The following KLHL32 variants were observed in gnomAD, a reference collection of about 807,000 sequenced individuals.
The protein encoded by KLHL32 is kelch like family member 32.
In KLHL32, 35 loss-of-function variants were observed where a neutral mutation model predicts 64.8. The observed-to-expected ratio is 0.54, with a 90% CI of 0.41 to 0.72. The LOEUF (loss-of-function observed/expected upper bound fraction) is 0.72, where lower values mean the gene tolerates loss of function less well. Ranked by LOEUF, KLHL32 falls within the 30% of genes least tolerant of loss-of-function variation. The pLI, the probability that KLHL32 is intolerant of heterozygous loss-of-function variation, is 0.00. For synonymous variants in KLHL32, 259 were observed against 281.0 expected (o/e 0.92, Z 0.78); for missense variants, 589 against 768.5 (o/e 0.77, Z 2.76).
intron 6 of KLHL32, among the ~76,000 whole-genome samples, chr6:97,094,933 T>C (rs1160993644): frequency 6.6e-6 from 1 of 152,196 alleles, no homozygotes; most frequent in Non-Finnish European, 1.5e-5. Context: ...GAGTGATGGA[T>C]GGTGCGTTAA....
At chr6:97,129,541 A>G (rs898733438) in intron 8 of KLHL32, among the ~76,000 whole-genome samples, 1 of 152,224 alleles carries the variant, frequency 6.6e-6, no homozygotes, top group African/African-American at 2.4e-5. Context: ...GAGGGTGAAC[A>G]GGAACCAAAT....
At chr6:97,081,144 G>T (rs1200688231) in intron 5 of KLHL32, among the ~76,000 whole-genome samples, 1 of 152,188 alleles carries the variant, frequency 6.6e-6, no homozygotes, top group Non-Finnish European at 1.5e-5. Flanking sequence ...GAAGCCCCAG[G>T]GTTGGTGAGG....
At chr6:96,923,743 A>C (rs1768842987), upstream of KLHL32, among the ~76,000 whole-genome samples, 1 of 152,252 alleles carries the variant, frequency 6.6e-6, no homozygotes, top group African/African-American at 2.4e-5. Context: ...CTTTGCAGTA[A>C]GTTAAATCCT....
chr6:97,132,717 T>C lies in KLHL32; in HGVS notation c.1671T>C (p.Ile557=). 1.9e-6 allele frequency: 3 copies of C among 1,613,310 alleles called. No individual in the cohort carries two copies. The highest frequency in any genetic ancestry group is 2.2e-5 in the South Asian group (2 of 90,922). ...GRIYLVGGYS[I]WTNEPLACIQ... ...TATATTTAGTTGGTGGATATTCAAT[T>C]TGGACAAATGAGCCTCTGGCTTGTA... Residue 557 remains isoleucine, a synonymous_variant, in exon 10 of 11, where the codon ATT becomes ATC. Coordinates refer to ENST00000369261, the MANE Select transcript of KLHL32 (RefSeq NM_052904.4).
At chr6:97,101,146 C>T (rs975467573) in intron 6 of KLHL32, among the ~76,000 whole-genome samples, 3 of 151,812 alleles carry the variant, frequency 2.0e-5, no homozygotes, top group Non-Finnish European at 4.4e-5. Flanking sequence ...AACAAATATT[C>T]AAAGGCCTAA....
At chr6:97,043,979 A>T (rs1582826504) in intron 4 of KLHL32, among the ~76,000 whole-genome samples, 1 of 147,496 alleles carries the variant, frequency 6.8e-6, no homozygotes, top group African/African-American at 2.5e-5. Context: ...TCTCAGTTGT[A>T]TTTTTTTTTT....
At chr6:96,938,703 C>A (rs562616535) in intron 1 of KLHL32, among the ~76,000 whole-genome samples, 87 of 152,232 alleles carry the variant, frequency 5.7e-4, no homozygotes, top group Non-Finnish European at 1.1e-3. Context: ...AAGCTTGAAT[C>A]CTGGTTCTTT....
At chr6:96,907,395 C>T in the KLHL32 span, among the ~76,000 whole-genome samples, 1 of 152,162 alleles carries the variant, frequency 6.6e-6, no homozygotes, top group African/African-American at 2.4e-5. Context: ...AAGGACTGCT[C>T]TTTTAAAACA....
intron 10 of KLHL32, among the ~76,000 whole-genome samples, chr6:97,135,389 T>G (rs539556001): frequency 1.7e-3 from 243 of 146,790 alleles, no homozygotes; most frequent in Non-Finnish European, 2.7e-3. Context: ...CACTGCAACT[T>G]CTGCCTCCTG....
intron 4 of KLHL32, among the ~76,000 whole-genome samples, chr6:97,052,524 A>T (rs1787100215): frequency 6.6e-6 from 1 of 152,212 alleles, no homozygotes; most frequent in East Asian, 1.9e-4. Flanking sequence ...GTGTAAACAA[A>T]TGTTTCACTT....
intron 4 of KLHL32, among the ~76,000 whole-genome samples, chr6:97,060,138 T>TA (rs1315135516): frequency 6.6e-6 from 1 of 151,990 alleles, no homozygotes; most frequent in Non-Finnish European, 1.5e-5. Context: ...AGCAGGTAAT[T>TA]AAAAAATCTC....
chr6:96,942,470 A>T (rs1771415569), intron 1 of KLHL32, among the ~76,000 whole-genome samples: 1 of 152,148 alleles, frequency 6.6e-6, no homozygotes, highest in Non-Finnish European at 1.5e-5. Flanking sequence ...TCTGCCATTT[A>T]GCTGTGGAGA....
chr6:97,121,226 G>A (rs529698153), intron 7 of KLHL32, among the ~76,000 whole-genome samples: 4 of 152,118 alleles, frequency 2.6e-5, no homozygotes, highest in East Asian at 1.9e-4. Context: ...TGTGTCTCTG[G>A]TTCTTTAGAC....
At chr6:96,904,803 A>G in the KLHL32 span, among the ~76,000 whole-genome samples, 1 of 152,262 alleles carries the variant, frequency 6.6e-6, no homozygotes, top group Non-Finnish European at 1.5e-5. Flanking sequence ...GTGACAAGAC[A>G]GATGTGATTA....
chr6:96,987,130 A>C (rs1018512497), intron 3 of KLHL32, among the ~76,000 whole-genome samples: 2 of 152,064 alleles, frequency 1.3e-5, no homozygotes, highest in African/African-American at 4.8e-5. Context: ...CTAGCGGTCT[A>C]TCAATTTTGT....
intron 3 of KLHL32, among the ~76,000 whole-genome samples, chr6:96,985,882 C>T (rs1453194696): frequency 6.6e-6 from 1 of 152,202 alleles, no homozygotes; most frequent in African/African-American, 2.4e-5. Flanking sequence ...TCGTCAAAGT[C>T]ATTCTCCGTC....
chr6:97,028,352 A>C (rs1402680866), intron 3 of KLHL32, among the ~76,000 whole-genome samples: 2 of 152,280 alleles, frequency 1.3e-5, no homozygotes, highest in African/African-American at 4.8e-5. Flanking sequence ...GCTAGAGTTT[A>C]GTCTTGCTTC....
chr6:97,116,684 G>A (rs977086734), intron 7 of KLHL32, among the ~76,000 whole-genome samples: 1 of 152,172 alleles, frequency 6.6e-6, no homozygotes, highest in Admixed American at 6.5e-5. Context: ...ACCTTCTTCA[G>A]TGAGGCCTTA....
At chr6:97,027,535 A>C (rs1782907181) in intron 3 of KLHL32, among the ~76,000 whole-genome samples, 1 of 152,134 alleles carries the variant, frequency 6.6e-6, no homozygotes, top group Non-Finnish European at 1.5e-5. Flanking sequence ...AATTGATAAG[A>C]AGGAAATGGA....
Sources: gnomAD v4.1 joint callset for allele counts (sites outside exome capture counted in the v4.1 genomes callset) on GRCh38, gnomAD v4.1.1 for gene constraint, MANE v1.5 for transcripts, NCBI Gene and HGNC (gene_info 2026-07-23, HGNC 2026-07-21) for gene names.